DHX32: variants seen among roughly 807,000 people sequenced by gnomAD.
DHX32 encodes putative pre-mRNA-splicing factor ATP-dependent RNA helicase DHX32.
A neutral mutation model predicts 70.0 loss-of-function variants in DHX32; 51 were observed. The observed-to-expected ratio is 0.73, with a 90% CI of 0.58 to 0.92. DHX32 has a LOEUF of 0.92. DHX32 is among the 40% of genes least tolerant of loss of function. The probability of loss-of-function intolerance (pLI) is 0.00; values close to 1 mark genes in which losing one functional copy is unlikely to be tolerated. For synonymous variants in DHX32, 310 were observed against 315.3 expected (o/e 0.98, Z 0.18); for missense variants, 762 against 891.8 (o/e 0.85, Z 1.85).
chr10:125,878,413 T>G (rs1273684648), intron 1 of DHX32, among the ~76,000 whole-genome samples: 1 of 152,214 alleles, frequency 6.6e-6, no homozygotes, highest in African/African-American at 2.4e-5. Context: ...CCTGGCCATC[T>G]CATCTTAACA....
At chr10:125,885,950 C>T (rs1327555517), upstream of DHX32, among the ~76,000 whole-genome samples, 2 of 152,188 alleles carry the variant, frequency 1.3e-5, no homozygotes, top group Non-Finnish European at 2.9e-5. Context: ...CTCCTCTGCT[C>T]AATAGTCTCC....
At chr10:125,837,350 C>T (rs1427953479) in intron 10 of DHX32, among the ~76,000 whole-genome samples, 1 of 152,266 alleles carries the variant, frequency 6.6e-6, no homozygotes, top group Non-Finnish European at 1.5e-5. Flanking sequence ...AGACTCTGTA[C>T]TGGCCTCTCA....
chr10:125,859,692 C>T lies in DHX32; in HGVS notation c.760G>A (p.Asp254Asn), dbSNP rs1314767298. 2 of 1,613,572 alleles carry T rather than the reference C, an allele frequency of 1.2e-6. No individual in the cohort carries two copies. The highest frequency in any genetic ancestry group is 2.7e-5 in the African/African-American group (2 of 74,990). ...EVVYLSEAQK[D>N]SFESILRLIF... ...AGGCGTAAAATAGACTCAAAAGAATCCTTTTGAGCCTCACTAAGGTACACA... is the reference window on the plus strand; with the variant it reads ...AGGCGTAAAATAGACTCAAAAGAATTCTTTTGAGCCTCACTAAGGTACACA... Residue 254 changes from aspartate (D) to asparagine (N), a missense_variant, in exon 3 of 11, where the codon GAT (aspartate) becomes AAT (asparagine). Around this residue, in one of 3 missense-constraint regions of DHX32, gnomAD observed 394 missense variants for 473.1 expected, o/e 0.83. Coordinates refer to ENST00000284690, the MANE Select transcript of DHX32 (RefSeq NM_018180.3).
chr10:125,851,512 G>A (rs1193862688), intron 6 of DHX32, among the ~76,000 whole-genome samples: 1 of 152,162 alleles, frequency 6.6e-6, no homozygotes, highest in African/African-American at 2.4e-5. Context: ...AGATGCCTAG[G>A]AAATCAACAG....
chr10:125,838,487 A>G, intron 9 of DHX32, 100 bp from the exon 10 acceptor site: 1 of 1,164,368 alleles, frequency 8.6e-7, no homozygotes, highest in Non-Finnish European at 1.2e-6. Flanking sequence ...TTTATACGGG[A>G]TAGTTAAAAC....
intron 3 of DHX32, 82 bp from the exon 4 acceptor site, chr10:125,854,285 T>G (rs2134047478): frequency 2.1e-6 from 3 of 1,412,830 alleles, no homozygotes; most frequent in South Asian, 3.0e-5. Flanking sequence ...ACAAAAAATT[T>G]TAGGCAATAC....
chr10:125,859,204 A>G (rs76312105), intron 3 of DHX32, among the ~76,000 whole-genome samples: 2,088 of 152,170 alleles, frequency 0.014, 50 homozygotes, highest in African/African-American at 0.046. Flanking sequence ...TGCTTAGGTA[A>G]TAGTCCTGAT....
intron 6 of DHX32, among the ~76,000 whole-genome samples, chr10:125,843,977 T>G (rs566619314): frequency 2.6e-5 from 4 of 152,288 alleles, no homozygotes; most frequent in African/African-American, 9.6e-5. Context: ...CCATCAAGAT[T>G]TAAAACTGAG....
intron 1 of DHX32, among the ~76,000 whole-genome samples, chr10:125,872,693 G>T (rs1341138911): frequency 6.6e-6 from 1 of 152,112 alleles, no homozygotes; most frequent in Non-Finnish European, 1.5e-5. Flanking sequence ...CTTCTGATGT[G>T]CCATTTGCAT....
intron 1 of DHX32, among the ~76,000 whole-genome samples, chr10:125,894,101 T>A (rs143655634): frequency 3.6e-3 from 405 of 111,228 alleles, no homozygotes; most frequent in Non-Finnish European, 6.1e-3. Context: ...CTTAAAAAAA[T>A]ATATATAGAA....
chr10:125,861,216 G>T (rs1221596084), intron 2 of DHX32, among the ~76,000 whole-genome samples: 1 of 151,944 alleles, frequency 6.6e-6, no homozygotes, highest in Non-Finnish European at 1.5e-5. Context: ...TCCCAGAACT[G>T]ATAAAGAGTA....
intron 3 of DHX32, among the ~76,000 whole-genome samples, chr10:125,856,597 G>A (rs764117966): frequency 3.3e-5 from 5 of 152,270 alleles, no homozygotes; most frequent in East Asian, 1.9e-4. Flanking sequence ...ATGCACTGCC[G>A]TTTCACCAAA....
Position 125,836,522 on chromosome 10 carries a change from T to A in DHX32, c.*165A>T. The A allele has an allele frequency of 7.5e-7, 1 of 1,340,172 alleles. No homozygotes were observed. Among genetic ancestry groups the A allele is most frequent in the Non-Finnish European group, 9.8e-7 (1 of 1,025,314 alleles). 83.0% of individuals were successfully genotyped at this position (1,340,172 alleles called of 1,614,324 possible). A position where few individuals can be genotyped will look rare whatever the true frequency, so the allele number is the denominator to read the frequency against. On this transcript the variant is annotated 3_prime_UTR_variant, in exon 11 of 11. Transcript: ENST00000284690. Reference sequence around the variant, plus strand: ...TGGAGTAGTAATTTAAAGAACTCAATAAAAACTTCTATTTTTTATTTTAAA... The same window carrying A: ...TGGAGTAGTAATTTAAAGAACTCAAAAAAAACTTCTATTTTTTATTTTAAA...
chr10:125,887,449 T>A (rs757447702), intron 1 of DHX32, among the ~76,000 whole-genome samples: 3 of 152,148 alleles, frequency 2.0e-5, no homozygotes, highest in African/African-American at 7.2e-5. Flanking sequence ...AAAGATGAGA[T>A]AGGGGCCAGA....
At chr10:125,868,821 C>A (rs1944238853) in intron 1 of DHX32, among the ~76,000 whole-genome samples, 1 of 152,128 alleles carries the variant, frequency 6.6e-6, no homozygotes, top group South Asian at 2.1e-4. Flanking sequence ...AGTTTGAACT[C>A]TGGTGTCGTT....
chr10:125,838,380 C>T lies in DHX32; in HGVS notation c.1889G>A (p.Arg630Gln), dbSNP rs781191427. The T allele has an allele frequency of 6.4e-6, 10 of 1,568,996 alleles. No individual in the cohort carries two copies. The highest frequency in any genetic ancestry group is 6.1e-5 in the Admixed American group (3 of 48,804). Residue 630 changes from arginine (R) to glutamine (Q), a missense_variant, in exon 10 of 11, where the codon CGG becomes CAG. By Grantham distance (43) the Arg-to-Gln change is conservative. Transcript: ENST00000284690. Reference sequence around the variant, plus strand: ...GTAGTTACCTGATCCATCAACATCCCGAGCAATCTGAAAGGCAGAATTTTA... The same window carrying T: ...GTAGTTACCTGATCCATCAACATCCTGAGCAATCTGAAAGGCAGAATTTTA... ...LLSGYFMQIARDVDGSGNYLM... is the reference protein window; with the variant it reads ...LLSGYFMQIAQDVDGSGNYLM...
chr10:125,857,035 A>C (rs1336513083), intron 3 of DHX32, among the ~76,000 whole-genome samples: 1 of 152,240 alleles, frequency 6.6e-6, no homozygotes, highest in African/African-American at 2.4e-5. Flanking sequence ...ATGATATTTA[A>C]GTGCTACGGT....
chr10:125,895,248 T>C (rs1255875021), intron 1 of DHX32, among the ~76,000 whole-genome samples: 1 of 152,214 alleles, frequency 6.6e-6, no homozygotes, highest in Non-Finnish European at 1.5e-5. Context: ...CTTAGTGTCC[T>C]TGTCATCCAT....
chr10:125,867,224 A>G (rs753831533), intron 1 of DHX32, 41 bp from the exon 2 acceptor site: 1 of 1,507,264 alleles, frequency 6.6e-7, no homozygotes, highest in South Asian at 1.2e-5. Context: ...CTTCTGCTGA[A>G]AACAAAACAA....
Sources: allele counts gnomAD v4.1 joint callset (sites outside exome capture counted in the v4.1 genomes callset), GRCh38; gene constraint gnomAD v4.1.1; regional missense constraint gnomAD v4.1.1; transcripts MANE v1.5; gene names NCBI Gene and HGNC (gene_info 2026-07-23, HGNC 2026-07-21).